Variants in RBFOX1 observed in about 807,000 individuals in gnomAD.
RBFOX1 encodes the protein RNA binding protein fox-1 homolog 1.
RBFOX1 carries 8 observed loss-of-function variants against 57.7 expected under a neutral mutation model. The observed-to-expected ratio is 0.14, with a 90% CI of 0.08 to 0.25. The LOEUF (loss-of-function observed/expected upper bound fraction) is 0.25, where lower values mean the gene tolerates loss of function less well. Ranked by LOEUF, RBFOX1 falls within the 10% of genes least tolerant of loss-of-function variation. The pLI, the probability that RBFOX1 is intolerant of heterozygous loss-of-function variation, is 1.00. For missense variants in RBFOX1, 611 were observed against 548.5 expected, an observed-to-expected ratio of 1.11 and a Z score of -1.14; for synonymous variants, 326 against 222.4, an observed-to-expected ratio of 1.47 and a Z score of -4.15.
At chr16:7,468,321 T>C (rs2060901551) in intron 4 of RBFOX1, among the ~76,000 whole-genome samples, 2 of 152,212 alleles carry the variant, frequency 1.3e-5, no homozygotes, top group Admixed American at 1.3e-4. Context: ...CTTTAGATTA[T>C]AATTAAAACA....
intron 4 of RBFOX1, among the ~76,000 whole-genome samples, chr16:7,161,157 A>G (rs1006151195): frequency 1.3e-5 from 2 of 152,088 alleles, no homozygotes; most frequent in Admixed American, 6.6e-5. Flanking sequence ...ACCACTTTCT[A>G]TCTCTGGGTG....
At chr16:6,297,820 T>G (rs1401760434) in intron 1 of RBFOX1, among the ~76,000 whole-genome samples, 2 of 152,150 alleles carry the variant, frequency 1.3e-5, no homozygotes, top group African/African-American at 4.8e-5. Context: ...CTGGGGACAG[T>G]CAGAGAGGAG....
At chr16:6,840,985 C>A (rs1048654155) in intron 3 of RBFOX1, among the ~76,000 whole-genome samples, 1 of 152,048 alleles carries the variant, frequency 6.6e-6, no homozygotes, top group Non-Finnish European at 1.5e-5. Context: ...GGTGGACACT[C>A]ACCAGACACT....
intron 2 of RBFOX1, among the ~76,000 whole-genome samples, chr16:5,520,290 G>T (rs545243957): frequency 1.3e-5 from 2 of 152,318 alleles, no homozygotes; most frequent in South Asian, 4.1e-4. Flanking sequence ...AAATTTTCAT[G>T]TTCAGGTAGT....
intron 4 of RBFOX1, among the ~76,000 whole-genome samples, chr16:5,904,115 T>A (rs536283710): frequency 2.0e-4 from 30 of 152,148 alleles, no homozygotes; most frequent in Non-Finnish European, 3.8e-4. Flanking sequence ...GTAAGGCGAA[T>A]GGGCCTCCGC....
At chr16:7,167,699 C>G (rs915434695) in intron 4 of RBFOX1, among the ~76,000 whole-genome samples, 1 of 152,196 alleles carries the variant, frequency 6.6e-6, no homozygotes, top group African/African-American at 2.4e-5. Context: ...GCCTGAGAGC[C>G]AAATCCAGCC....
intron 3 of RBFOX1, among the ~76,000 whole-genome samples, chr16:5,660,899 T>G (rs1481258190): frequency 6.6e-6 from 1 of 152,128 alleles, no homozygotes; most frequent in African/African-American, 2.4e-5. Context: ...GTGTGCAAAT[T>G]GAGGATGAAT....
Position 6,962,305 on chromosome 16 carries a change from A to G in RBFOX1, c.-15-89752A>G, listed in dbSNP as rs182436579. ...ATTGGCCCACCCTAAATTCAGGACAATCTCATCTTGAGATCCTTAGCTTAA... is the reference window on the plus strand; with the variant it reads ...ATTGGCCCACCCTAAATTCAGGACAGTCTCATCTTGAGATCCTTAGCTTAA... On this transcript the variant is annotated intron_variant, in intron 3 of 15. Transcript: ENST00000550418. Among the ~76,000 whole-genome samples the G allele has an allele frequency of 2.5e-3, 381 of 152,226 alleles. 4 individuals are homozygous for G. The highest frequency in any genetic ancestry group is 8.9e-3 in the African/African-American group (369 of 41,546).
chr16:7,569,608 T>C (rs2092559878), intron 5 of RBFOX1, among the ~76,000 whole-genome samples: 2 of 152,210 alleles, frequency 1.3e-5, no homozygotes, highest in Admixed American at 1.3e-4. Flanking sequence ...TAAAGTATCC[T>C]ATTCAAGATT....
intron 2 of RBFOX1, among the ~76,000 whole-genome samples, chr16:6,447,772 C>T (rs942325897): frequency 6.6e-6 from 1 of 152,160 alleles, no homozygotes; most frequent in Non-Finnish European, 1.5e-5. Context: ...TTATTTTTAG[C>T]ACTCAGTAAA....
chr16:6,596,539 T>G (rs9925894), intron 2 of RBFOX1, among the ~76,000 whole-genome samples: 5,826 of 144,924 alleles, frequency 0.04, 404 homozygotes, highest in African/African-American at 0.16. Context: ...CATTTTTAGT[T>G]TCTGCATCAG....
intron 4 of RBFOX1, among the ~76,000 whole-genome samples, chr16:7,091,721 G>A (rs1599231191): frequency 6.6e-6 from 1 of 152,064 alleles, no homozygotes. Flanking sequence ...CCTCAGTACT[G>A]GGGGAGCCTC....
intron 2 of RBFOX1, among the ~76,000 whole-genome samples, chr16:6,462,269 C>T (rs1266032046): frequency 6.6e-6 from 1 of 152,188 alleles, no homozygotes; most frequent in African/African-American, 2.4e-5. Context: ...CATTGACAGC[C>T]TGATGCATGC....
intron 2 of RBFOX1, among the ~76,000 whole-genome samples, chr16:6,567,856 C>T (rs1044037197): frequency 5.3e-5 from 8 of 152,286 alleles, no homozygotes; most frequent in East Asian, 3.9e-4. Context: ...GGGTCTCACT[C>T]TGTCACCCAG....
intron 4 of RBFOX1, among the ~76,000 whole-genome samples, chr16:7,259,185 C>G (rs1225879881): frequency 1.3e-5 from 2 of 152,200 alleles, no homozygotes; most frequent in Non-Finnish European, 2.9e-5. Flanking sequence ...CACCATCACG[C>G]TATGAAGTTA....
At chr16:7,033,375 C>T (rs2043316710) in intron 3 of RBFOX1, among the ~76,000 whole-genome samples, 1 of 152,156 alleles carries the variant, frequency 6.6e-6, no homozygotes, top group Non-Finnish European at 1.5e-5. Flanking sequence ...CAAAAATTAG[C>T]CAGATGTGAT....
intron 4 of RBFOX1, among the ~76,000 whole-genome samples, chr16:5,986,532 C>A (rs1041795674): frequency 5.3e-5 from 8 of 152,206 alleles, no homozygotes; most frequent in African/African-American, 1.9e-4. Flanking sequence ...TACCCACATT[C>A]ACCTCCCTCT....
At chr16:7,025,596 G>C (rs967381201) in intron 3 of RBFOX1, among the ~76,000 whole-genome samples, 4 of 152,196 alleles carry the variant, frequency 2.6e-5, no homozygotes, top group East Asian at 3.9e-4. Flanking sequence ...ATGCTTCTCA[G>C]CCTCAGAGCT....
chr16:7,456,489 C>T lies in RBFOX1; in HGVS notation c.28-61658C>T, dbSNP rs564576159. Reference sequence around the variant, plus strand: ...CAGGACGTGCCTCTCCAACTCCCAGCATTGTTTGCCAAGGTTGCAAGTCCC... The same window carrying T: ...CAGGACGTGCCTCTCCAACTCCCAGTATTGTTTGCCAAGGTTGCAAGTCCC... On this transcript the variant is annotated intron_variant, in intron 4 of 15. Transcript: ENST00000550418. 6.6e-5 allele frequency among the ~76,000 whole-genome samples: 10 copies of T among 152,360 alleles called. No homozygotes were observed. The South Asian group carries it at 2.1e-3, about 32-fold the overall frequency.
Sources: gnomAD v4.1 joint callset for allele counts (sites outside exome capture counted in the v4.1 genomes callset) on GRCh38, gnomAD v4.1.1 for gene constraint, MANE v1.5 for transcripts, NCBI Gene and HGNC (gene_info 2026-07-23, HGNC 2026-07-21) for gene names.